IQCB1: variants seen among roughly 807,000 people sequenced by gnomAD.
The protein encoded by IQCB1 is IQ motif containing B1.
Under a neutral mutation model 84.4 loss-of-function variants are expected in IQCB1, and 56 were observed. The observed-to-expected ratio is 0.66, with a 90% CI of 0.54 to 0.83. The LOEUF (loss-of-function observed/expected upper bound fraction) is 0.83, where lower values mean the gene tolerates loss of function less well. IQCB1 is among the 40% of genes least tolerant of loss of function. The pLI is 0.00. For synonymous variants in IQCB1, 210 were observed against 234.8 expected (o/e 0.89, Z 0.96); for missense variants, 629 against 682.1 (o/e 0.92, Z 0.87).
rs1201232022 is a variant in IQCB1 at position 121,770,422 on chromosome 3, C to A, written c.1720G>T (p.Asp574Tyr). 1 of 1,614,242 alleles carries A rather than the reference C, an allele frequency of 6.2e-7. No individual in the cohort carries two copies. Among genetic ancestry groups the A allele is most frequent in the East Asian group, 2.2e-5 (1 of 44,886 alleles). ...WWKKLGEESG[D>Y]EIDVPKDELS... Reference sequence around the variant, plus strand: ...TCATCCTTTGGAACATCAATCTCATCTCCAGATTCTTCTCCAAGCTTCTTC... The same window carrying A: ...TCATCCTTTGGAACATCAATCTCATATCCAGATTCTTCTCCAAGCTTCTTC... The change falls in exon 15 of 15, where the codon GAT becomes TAT. Residue 574 changes from aspartate (D) to tyrosine (Y), a missense_variant. Asp to Tyr is a radical substitution (Grantham distance 160). Coordinates refer to ENST00000310864, the MANE Select transcript of IQCB1 (RefSeq NM_001023570.4).
chr3:121,787,385 A>G (rs926905260), intron 12 of IQCB1, among the ~76,000 whole-genome samples: 4 of 152,152 alleles, frequency 2.6e-5, no homozygotes, highest in African/African-American at 9.7e-5. Flanking sequence ...AATTTAAAAA[A>G]CCACCTCGTA....
At chr3:121,804,020 C>A (rs76080408) in intron 7 of IQCB1, among the ~76,000 whole-genome samples, 82 of 151,626 alleles carry the variant, frequency 5.4e-4, no homozygotes, top group African/African-American at 2.0e-3. Context: ...TTCTGGATTG[C>A]GTATTTTTTA....
chr3:121,786,007 GAA>G (rs11308989), intron 12 of IQCB1, among the ~76,000 whole-genome samples: 48 of 137,184 alleles, frequency 3.5e-4, no homozygotes, highest in South Asian at 9.7e-4. Flanking sequence ...AGTCTCTACT[GAA>G]AAAAAAAAAA....
intron 14 of IQCB1, 104 bp downstream of exon 14, chr3:121,772,453 T>G: frequency 5.9e-4 from 665 of 1,117,658 alleles, no homozygotes; most frequent in Non-Finnish European, 8.1e-4. Context: ...GGTTAGGGGA[T>G]GAGCTAAAGA....
intron 4 of IQCB1, among the ~76,000 whole-genome samples, chr3:121,826,431 C>G (rs1576617283): frequency 6.6e-6 from 1 of 152,148 alleles, no homozygotes; most frequent in South Asian, 2.1e-4. Flanking sequence ...AAATAAAAGA[C>G]ACTTGGCTCA....
At chr3:121,801,372 GC>G (rs1380572103) in intron 7 of IQCB1, among the ~76,000 whole-genome samples, 3 of 151,870 alleles carry the variant, frequency 2.0e-5, no homozygotes, top group Non-Finnish European at 4.4e-5. Flanking sequence ...TACTTTTACT[GC>G]ATGTTGAACT....
intron 13 of IQCB1, among the ~76,000 whole-genome samples, chr3:121,780,655 T>C (rs369316876): frequency 6.6e-6 from 1 of 152,240 alleles, no homozygotes; most frequent in African/African-American, 2.4e-5. Flanking sequence ...GGTTACCAGA[T>C]ACATGCTCAG....
intron 6 of IQCB1, 84 bp downstream of exon 6, chr3:121,808,832 G>C: frequency 1.3e-6 from 1 of 795,888 alleles, no homozygotes; most frequent in Non-Finnish European, 2.2e-6. Flanking sequence ...AGTTCATGTG[G>C]CATTTGTTTT....
intron 5 of IQCB1, among the ~76,000 whole-genome samples, chr3:121,821,966 T>C (rs925192799): frequency 6.6e-6 from 1 of 152,222 alleles, no homozygotes; most frequent in Non-Finnish European, 1.5e-5. Context: ...AGTTGAGGGC[T>C]TGAGTAGAAC....
intron 2 of IQCB1, among the ~76,000 whole-genome samples, chr3:121,833,026 C>G (rs969484075): frequency 6.6e-6 from 1 of 152,104 alleles, no homozygotes; most frequent in Non-Finnish European, 1.5e-5. Flanking sequence ...TATTCTTGAG[C>G]TAGTACAACA....
In IQCB1 at chr3:121,770,241, G is replaced by A. The variant is rs111534782; in HGVS notation, c.*104C>T. ...AGGTCTTGTCTGGAGGAGAACCTCT[G>A]GAAAATAATAAGTTAGGATGGCCCT... On this transcript the variant is annotated 3_prime_UTR_variant, in exon 15 of 15. Transcript: ENST00000310864. 3.9e-6 allele frequency: 3 copies of A among 760,256 alleles called. No individual in the cohort carries two copies. The highest frequency in any genetic ancestry group is 6.8e-6 in the Non-Finnish European group (3 of 441,194). 47.1% of individuals were successfully genotyped at this position (760,256 alleles called of 1,614,324 possible). A position where few individuals can be genotyped will look rare whatever the true frequency, so the allele number is the denominator to read the frequency against.
At chr3:121,801,981 A>G (rs1213829173) in intron 7 of IQCB1, among the ~76,000 whole-genome samples, 1 of 151,776 alleles carries the variant, frequency 6.6e-6, no homozygotes, top group Non-Finnish European at 1.5e-5. Context: ...GCCGGGATAA[A>G]CCAGAATTAT....
At chr3:121,788,844 G>T (rs1392890396) in intron 11 of IQCB1, among the ~76,000 whole-genome samples, 1 of 152,128 alleles carries the variant, frequency 6.6e-6, no homozygotes, top group East Asian at 1.9e-4. Flanking sequence ...TTATACAGAT[G>T]ACTTTCTTTT....
At chr3:121,825,500 A>T (rs1559801496) in intron 5 of IQCB1, among the ~76,000 whole-genome samples, 1 of 152,248 alleles carries the variant, frequency 6.6e-6, no homozygotes. Flanking sequence ...AGAAATTGAT[A>T]ACAATAAAGT....
intron 5 of IQCB1, among the ~76,000 whole-genome samples, chr3:121,824,211 A>G (rs902066862): frequency 5.3e-5 from 8 of 152,182 alleles, no homozygotes; most frequent in Admixed American, 5.2e-4. Flanking sequence ...AGGTGTGGAT[A>G]GTACTGAACC....
rs567215386 is a variant in IQCB1 at position 121,793,027 on chromosome 3, C to T, written c.986+2430G>A. ...ACATTTAATCAATCTGAATTTTTACCATTAAAGTGGGAGTTGACCAAATTT... is the reference window on the plus strand; with the variant it reads ...ACATTTAATCAATCTGAATTTTTACTATTAAAGTGGGAGTTGACCAAATTT... On this transcript the variant is annotated intron_variant, in intron 10 of 14. Coordinates refer to ENST00000310864, the MANE Select transcript of IQCB1 (RefSeq NM_001023570.4). 1.1e-4 allele frequency among the ~76,000 whole-genome samples: 17 copies of T among 152,196 alleles called. No individual in the cohort carries two copies. The South Asian group carries it at 2.1e-3, about 19-fold the overall frequency.
At chr3:121,804,521 T>C (rs1018978489) in intron 7 of IQCB1, among the ~76,000 whole-genome samples, 4 of 152,140 alleles carry the variant, frequency 2.6e-5, no homozygotes, top group African/African-American at 9.7e-5. Context: ...AATTTGACAG[T>C]TTTCTTTTTC....
intron 12 of IQCB1, among the ~76,000 whole-genome samples, chr3:121,786,301 T>C (rs189282965): frequency 4.0e-5 from 6 of 151,662 alleles, no homozygotes; most frequent in African/African-American, 1.5e-4. Context: ...ATTTTCTCAG[T>C]GTACTTTCCC....
chr3:121,809,101 T>C (rs1192112087), intron 5 of IQCB1, 92 bp from the exon 6 acceptor site: 4 of 730,008 alleles, frequency 5.5e-6, no homozygotes, highest in Non-Finnish European at 9.3e-6. Flanking sequence ...AGTTAGAGGA[T>C]ACAGTTTCTG....
Sources: gnomAD v4.1 joint callset for allele counts (sites outside exome capture counted in the v4.1 genomes callset) on GRCh38, gnomAD v4.1.1 for gene constraint, MANE v1.5 for transcripts, NCBI Gene and HGNC (gene_info 2026-07-23, HGNC 2026-07-21) for gene names.